The following MORC2 variants were observed in gnomAD, a reference collection of about 807,000 sequenced individuals.
The protein encoded by MORC2 is ATPase MORC2.
MORC2 carries 30 observed loss-of-function variants against 136.0 expected under a neutral mutation model. That is an observed-to-expected ratio of 0.22 (90% CI 0.17 to 0.30). The LOEUF (loss-of-function observed/expected upper bound fraction) is 0.30, where lower values mean the gene tolerates loss of function less well. Among genes scored for constraint, MORC2 ranks in the 10% least tolerant of loss-of-function variants. The probability of loss-of-function intolerance (pLI) is 1.00; values close to 1 mark genes in which losing one functional copy is unlikely to be tolerated. For missense variants in MORC2, 922 were observed against 1,333.1 expected, an observed-to-expected ratio of 0.69 and a Z score of 4.80; for synonymous variants, 439 against 487.0, an observed-to-expected ratio of 0.90 and a Z score of 1.30.
At chr22:30,957,162 A>G (rs2040978993) in intron 2 of MORC2, among the ~76,000 whole-genome samples, 1 of 152,260 alleles carries the variant, frequency 6.6e-6, no homozygotes, top group South Asian at 2.1e-4. Context: ...CAATCATAAA[A>G]AGATGTTCCA....
At chr22:30,950,526 T>C (rs2040872914) in intron 3 of MORC2, 81 bp from the exon 4 acceptor site, 11 of 1,392,276 alleles carry the variant, frequency 7.9e-6, no homozygotes, top group South Asian at 1.2e-5. Flanking sequence ...GGCAGATCAA[T>C]GTGAAGCTTG....
Position 30,941,990 on chromosome 22 carries a change from A to T in MORC2, c.599T>A (p.Ile200Asn). 6.2e-7 allele frequency: 1 copy of T among 1,613,430 alleles called. No homozygotes were observed. Among genetic ancestry groups the T allele is most frequent in the Non-Finnish European group, 8.5e-7 (1 of 1,179,384 alleles). Residue 200 changes from isoleucine to asparagine, a missense_variant, in exon 8 of 26, where the codon ATC (isoleucine) becomes AAC (asparagine). This residue lies in a region of MORC2 where 261 missense variants were observed against 354.3 expected (regional missense o/e 0.74). Transcript: ENST00000397641. The surrounding 1 kb of genome is among the most constrained non-coding windows in gnomAD (Gnocchi z 4.6). Reference sequence around the variant, plus strand: ...ATCCATGAGTTTGAGATTGAAGATGATCACCAATGTTCCTGAGAAACAGAA... The same window carrying T: ...ATCCATGAGTTTGAGATTGAAGATGTTCACCAATGTTCCTGAGAAACAGAA... ...KIPGDSGTLVIIFNLKLMDNG... is the reference protein window; with the variant it reads ...KIPGDSGTLVNIFNLKLMDNG...
chr22:30,964,689 T>G (rs1287748887), intron 1 of MORC2, among the ~76,000 whole-genome samples: 1 of 152,222 alleles, frequency 6.6e-6, no homozygotes, highest in East Asian at 1.9e-4. Context: ...GACTTTCAGG[T>G]TATCACGAGA....
rs1400229524 is a variant in MORC2, at chr22:30,941,852, C to T, written c.698+39G>A. The T allele has an allele frequency of 1.3e-6, 2 of 1,525,746 alleles. No individual in the cohort carries two copies. Among genetic ancestry groups the T allele is most frequent in the South Asian group, 1.1e-5 (1 of 89,202 alleles). The allele number at this position is 1,525,746 out of a possible 1,614,324, so 94.5% of individuals were successfully genotyped here. Reference sequence around the variant, plus strand: ...AAGCCATCTCCTGAGAGCACAAACGCCAGTTCCAGGGCCTCCCTCCCTTCC... The same window carrying T: ...AAGCCATCTCCTGAGAGCACAAACGTCAGTTCCAGGGCCTCCCTCCCTTCC... On this transcript the variant is annotated intron_variant, in intron 8 of 25. Transcript: ENST00000397641. This position sits in a 1 kb window ranked among gnomAD's most constrained non-coding sequence, Gnocchi z 4.6.
intron 1 of MORC2, among the ~76,000 whole-genome samples, chr22:30,964,164 T>G (rs1174491035): frequency 6.6e-6 from 1 of 152,134 alleles, no homozygotes; most frequent in Non-Finnish European, 1.5e-5. Flanking sequence ...AAGTCTATCC[T>G]GGCTAACACG....
rs1384325225 is a variant in MORC2 at position 30,968,670 on chromosome 22, G to C, written c.-781C>G. 6.6e-6 allele frequency among the ~76,000 whole-genome samples: 1 copy of C among 151,986 alleles called. No homozygotes were observed. Among genetic ancestry groups the C allele is most frequent in the African/African-American group, 2.4e-5 (1 of 41,390 alleles). Reference sequence around the variant, plus strand: ...CAGGCCCTTCCCGGGCCTCGGTCCCGTGGCCGCCTCCCCACGAAGAGGAGC... The same window carrying C: ...CAGGCCCTTCCCGGGCCTCGGTCCCCTGGCCGCCTCCCCACGAAGAGGAGC... On this transcript the variant is annotated 5_prime_UTR_variant, in exon 1 of 26. Transcript: ENST00000397641.
chr22:30,939,422 C>T (rs1010906953), intron 12 of MORC2, among the ~76,000 whole-genome samples, 199 bp downstream of exon 12: 2 of 151,942 alleles, frequency 1.3e-5, no homozygotes, highest in African/African-American at 2.4e-5. Flanking sequence ...GTGCTCGAGC[C>T]GAGGTTGTCA....
chr22:30,930,153 A>G (rs2040552701), intron 24 of MORC2, among the ~76,000 whole-genome samples: 1 of 152,170 alleles, frequency 6.6e-6, no homozygotes. Flanking sequence ...CTCCACACCC[A>G]GCCTAATATA....
chr22:30,958,572 G>C, intron 2 of MORC2, 69 bp downstream of exon 2: 1 of 1,297,406 alleles, frequency 7.7e-7, no homozygotes, highest in Admixed American at 2.1e-5. Context: ...AGTCTTCAGA[G>C]AGCAAAGGTC....
At chr22:30,928,280 G>A in intron 24 of MORC2, 73 bp from the exon 25 acceptor site, 2 of 1,471,214 alleles carry the variant, frequency 1.4e-6, no homozygotes, top group East Asian at 4.6e-5. Flanking sequence ...GGCTGACACG[G>A]GTGTCTCCAG....
At chr22:30,928,575 T>G (rs1386983545) in intron 24 of MORC2, among the ~76,000 whole-genome samples, 1 of 152,220 alleles carries the variant, frequency 6.6e-6, no homozygotes, top group African/African-American at 2.4e-5. Flanking sequence ...TACAGCCCTT[T>G]CAACCACCCA....
chr22:30,938,360 A>G (rs1405498420), intron 12 of MORC2, among the ~76,000 whole-genome samples, 155 bp from the exon 13 acceptor site: 2 of 152,316 alleles, frequency 1.3e-5, no homozygotes, highest in African/African-American at 2.4e-5. Context: ...TGATATGGAC[A>G]TGCACTGGGC....
chr22:30,948,297 T>C (rs2040846728), intron 5 of MORC2, among the ~76,000 whole-genome samples: 1 of 152,140 alleles, frequency 6.6e-6, no homozygotes, highest in Non-Finnish European at 1.5e-5. Context: ...TGATCTACAA[T>C]CTAGATGAAA....
Position 30,939,721 on chromosome 22 carries a change from A to G in MORC2, c.988-15T>C, listed in dbSNP as rs2040712622. The G allele has an allele frequency of 2.5e-6, 4 of 1,611,910 alleles. No individual in the cohort carries two copies. The highest frequency in any genetic ancestry group is 2.2e-5 in the East Asian group (1 of 44,860). On this transcript the variant is annotated splice_polypyrimidine_tract_variant and intron_variant, in intron 11 of 25. Coordinates refer to ENST00000397641, the MANE Select transcript of MORC2 (RefSeq NM_001303256.3). ...CGCAACATCACCTGCACACATTGACATCAGGTGAGGGGAGGTGGCACTCTA... is the reference window on the plus strand; with the variant it reads ...CGCAACATCACCTGCACACATTGACGTCAGGTGAGGGGAGGTGGCACTCTA...
chr22:30,959,254 C>T (rs2041009459), intron 1 of MORC2, among the ~76,000 whole-genome samples: 1 of 152,144 alleles, frequency 6.6e-6, no homozygotes, highest in East Asian at 1.9e-4. Context: ...CCACTGGTTC[C>T]CCTCCTTGAA....
At chr22:30,946,071 C>A (rs1298140317) in intron 6 of MORC2, among the ~76,000 whole-genome samples, 1 of 152,174 alleles carries the variant, frequency 6.6e-6, no homozygotes, top group Non-Finnish European at 1.5e-5. Context: ...AGCTGCAAAT[C>A]CAACTCTTAA....
At chr22:30,966,696 T>G (rs2041133449) in intron 1 of MORC2, among the ~76,000 whole-genome samples, 1 of 152,126 alleles carries the variant, frequency 6.6e-6, no homozygotes, top group South Asian at 2.1e-4. Flanking sequence ...GAGAATCGTT[T>G]GAACCTGGGA....
At chr22:30,929,874 C>G (rs1321141916) in intron 24 of MORC2, 1 of 151,882 alleles carries the variant, frequency 6.6e-6, no homozygotes, top group Admixed American at 6.5e-5. Context: ...TTTTTTGACA[C>G]AGTCTCGCTC....
At chr22:30,936,760 A>G in intron 16 of MORC2, 117 bp from the exon 17 acceptor site, 1 of 1,384,392 alleles carries the variant, frequency 7.2e-7, no homozygotes. Context: ...CAGAGTTCCC[A>G]ATGCACAGAA....
Sources: gnomAD v4.1 joint callset for allele counts (sites outside exome capture counted in the v4.1 genomes callset) on GRCh38, gnomAD v4.1.1 for gene constraint, gnomAD v4.1.1 regional missense constraint, Gnocchi (gnomAD v3.1) non-coding constraint, MANE v1.5 for transcripts, NCBI Gene and HGNC (gene_info 2026-07-23, HGNC 2026-07-21) for gene names.